Variants in KSR1 observed in about 807,000 individuals in gnomAD.
The protein encoded by KSR1 is kinase suppressor of ras.
A neutral mutation model predicts 92.9 loss-of-function variants in KSR1; 35 were observed. The observed-to-expected ratio is 0.38, with a 90% CI of 0.29 to 0.50. The LOEUF is 0.50. Among genes scored for constraint, KSR1 ranks in the 20% least tolerant of loss-of-function variants. KSR1 has a pLI of 0.94. For missense variants in KSR1, 972 were observed against 1,158.5 expected (o/e 0.84, Z 2.34); for synonymous variants, 467 against 472.6 (o/e 0.99, Z 0.15).
chr17:27,601,240 G>T, intron 10 of KSR1, 120 bp from the exon 11 acceptor site: 1 of 823,270 alleles, frequency 1.2e-6, no homozygotes, highest in Non-Finnish European at 2.0e-6. Flanking sequence ...GTCCATCTGG[G>T]GTAGGGCTGT....
intron 2 of KSR1, among the ~76,000 whole-genome samples, chr17:27,555,265 G>T (rs1378956839): frequency 6.6e-6 from 1 of 151,684 alleles, no homozygotes; most frequent in African/African-American, 2.4e-5. Flanking sequence ...CTCCTCTGGG[G>T]GTGTATCTAC....
intron 1 of KSR1, among the ~76,000 whole-genome samples, chr17:27,536,944 C>T (rs373245273): frequency 2.0e-5 from 3 of 152,178 alleles, no homozygotes; most frequent in Non-Finnish European, 2.9e-5. Flanking sequence ...ACTTTGTGGC[C>T]GTCTTCAATC....
At chr17:27,585,564 C>G (rs1221516825) in intron 4 of KSR1, 93 bp from the exon 5 acceptor site, 2 of 720,144 alleles carry the variant, frequency 2.8e-6, no homozygotes, top group Non-Finnish European at 2.6e-6. Flanking sequence ...ACGTCCCAGC[C>G]CCTTGCCTGC....
intron 1 of KSR1, among the ~76,000 whole-genome samples, chr17:27,508,266 TGA>T (rs2069468089): frequency 6.6e-6 from 1 of 152,182 alleles, no homozygotes; most frequent in African/African-American, 2.4e-5. Context: ...GAGGAAGCCA[TGA>T]GCCCTGTGTG....
intron 1 of KSR1, among the ~76,000 whole-genome samples, chr17:27,478,962 TCCTC>T (rs1268268255): frequency 6.6e-6 from 1 of 150,526 alleles, no homozygotes; most frequent in Non-Finnish European, 1.5e-5. Flanking sequence ...CCATTCATGC[TCCTC>T]CCTCCTTCCA....
Position 27,611,567 on chromosome 17 carries a change from A to G in KSR1, c.2431A>G (p.Ile811Val), listed in dbSNP as rs1414904615. 1.2e-6 allele frequency: 2 copies of G among 1,613,758 alleles called. No homozygotes were observed. Among genetic ancestry groups the G allele is most frequent in the African/African-American group, 1.3e-5 (1 of 74,916 alleles). The change falls in exon 18 of 21, where the codon ATT (isoleucine) becomes GTT (valine). Residue 811 changes from isoleucine to valine, a missense_variant. Ile to Val is a conservative substitution (Grantham distance 29, BLOSUM62 3). Coordinates refer to ENST00000644974, the MANE Select transcript of KSR1 (RefSeq NM_001394583.1). ...GGCTGCAGAGGCATCCATCTGGCAG[A>G]TTGGAAGCGGGGAAGGAATGAAGCG... ...NQAAEASIWQ[I>V]GSGEGMKRVL...
rs762496726 is a variant in KSR1 at position 27,597,374 on chromosome 17, C to G, written c.1406C>G (p.Ser469Cys). 1 of 1,613,844 alleles carries G rather than the reference C, an allele frequency of 6.2e-7. No homozygotes were observed. The highest frequency in any genetic ancestry group is 1.7e-5 in the Admixed American group (1 of 59,996). Residue 469 changes from serine (S) to cysteine (C), a missense_variant, in exon 10 of 21, where the codon TCC becomes TGC. Around this residue, in one of 5 missense-constraint regions of KSR1, gnomAD observed 611 missense variants for 668.0 expected, o/e 0.91. Transcript: ENST00000644974. ...PAPFPTSSNP[S>C]SATTPPNPSP... The stretch of plus-strand genomic sequence containing the variant: ...CCCTTCCCGACATCATCCAACCCAT[C>G]CAGCGCCACCACGCCCCCCAACCCC...
intron 2 of KSR1, among the ~76,000 whole-genome samples, chr17:27,558,986 G>A (rs111966187): frequency 2.0e-5 from 3 of 152,282 alleles, no homozygotes; most frequent in South Asian, 4.1e-4. Flanking sequence ...GTGTGCAGCC[G>A]TCTGTGTGTG....
intron 1 of KSR1, among the ~76,000 whole-genome samples, chr17:27,520,919 GA>G (rs1465744589): frequency 6.6e-6 from 1 of 152,260 alleles, no homozygotes; most frequent in Non-Finnish European, 1.5e-5. Flanking sequence ...GAATCTTCCT[GA>G]AATCATTGTA....
intron 20 of KSR1, chr17:27,623,109 C>T: frequency 1.7e-6 from 1 of 603,466 alleles, no homozygotes; most frequent in Admixed American, 3.0e-5. Flanking sequence ...ACCGTTGCTG[C>T]TCCAAGTAGG....
chr17:27,479,346 C>T (rs2068445562), intron 1 of KSR1, among the ~76,000 whole-genome samples: 1 of 152,192 alleles, frequency 6.6e-6, no homozygotes, highest in South Asian at 2.1e-4. Flanking sequence ...CCTGGAGTGC[C>T]AGACCCACTG....
intron 20 of KSR1, chr17:27,621,810 G>T: frequency 1.1e-6 from 1 of 939,362 alleles, no homozygotes; most frequent in Admixed American, 2.0e-5. Context: ...CTTTCTCTCT[G>T]GAAGAGAAAG....
At position 27,623,492 on chromosome 17, in the gene KSR1, G is replaced by A. The variant is rs938282325; in HGVS notation, c.*100G>A. 1.6e-5 allele frequency: 11 copies of A among 698,544 alleles called. No individual in the cohort carries two copies. The highest frequency in any genetic ancestry group is 6.2e-5 in the Admixed American group (3 of 48,212). 43.3% of individuals were successfully genotyped at this position (698,544 alleles called of 1,614,324 possible). ...GACAAAAAAACACTGCCTGCCCAGC[G>A]CTGCAAACCAGGAGCACACGTCCTA... On this transcript the variant is annotated 3_prime_UTR_variant, in exon 21 of 21. Coordinates refer to ENST00000644974, the MANE Select transcript of KSR1 (RefSeq NM_001394583.1).
At chr17:27,518,310 A>G (rs2069880884) in intron 1 of KSR1, among the ~76,000 whole-genome samples, 1 of 152,194 alleles carries the variant, frequency 6.6e-6, no homozygotes, top group African/African-American at 2.4e-5. Flanking sequence ...ACACCTTTTC[A>G]TTTCTCAATC....
At chr17:27,580,318 A>C (rs1206943496) in intron 3 of KSR1, among the ~76,000 whole-genome samples, 1 of 152,198 alleles carries the variant, frequency 6.6e-6, no homozygotes, top group Non-Finnish European at 1.5e-5. Flanking sequence ...AGCAAGCGGT[A>C]TGGGAGCACA....
chr17:27,491,080 CATACACACAT>C (rs1174870847), intron 1 of KSR1, among the ~76,000 whole-genome samples: 2 of 152,126 alleles, frequency 1.3e-5, no homozygotes, highest in African/African-American at 2.4e-5. Flanking sequence ...TATACACACA[CATACACACAT>C]ATACACACAG....
chr17:27,531,360 G>C (rs1171321874), intron 1 of KSR1, among the ~76,000 whole-genome samples: 9 of 152,264 alleles, frequency 5.9e-5, no homozygotes, highest in African/African-American at 2.2e-4. Flanking sequence ...AGAAGGTGCA[G>C]GTGACGGGGA....
rs140354144 is a variant in KSR1 at position 27,554,098 on chromosome 17, G to T, written c.372+3390G>T. On this transcript the variant is annotated intron_variant, in intron 2 of 20. Coordinates refer to ENST00000644974, the MANE Select transcript of KSR1 (RefSeq NM_001394583.1). ...CTGTAAGTTCTGCCCATCAAAAATA[G>T]GTGCAGTATTCAGAAGCCAGAGTTC... 5.1e-4 allele frequency among the ~76,000 whole-genome samples: 77 copies of T among 152,296 alleles called. 1 individual carries two copies. In the East Asian group the frequency reaches 0.014, roughly 28 times the overall value.
chr17:27,576,903 T>C (rs1056154729), intron 2 of KSR1, among the ~76,000 whole-genome samples: 1 of 152,172 alleles, frequency 6.6e-6, no homozygotes, highest in Non-Finnish European at 1.5e-5. Flanking sequence ...TGCCACTTTC[T>C]TCACCGTATG....
Sources: allele counts gnomAD v4.1 joint callset (sites outside exome capture counted in the v4.1 genomes callset), GRCh38; gene constraint gnomAD v4.1.1; regional missense constraint gnomAD v4.1.1; transcripts MANE v1.5; gene names NCBI Gene and HGNC (gene_info 2026-07-23, HGNC 2026-07-21).